CHAF1A: variants seen among roughly 807,000 people sequenced by gnomAD.
CHAF1A encodes the protein CAF-1 subunit A.
A neutral mutation model predicts 93.2 loss-of-function variants in CHAF1A; 5 were observed. The ratio of observed to expected loss-of-function variants is 0.05; its 90% CI spans 0.03 to 0.11. The LOEUF is 0.11. Ranked by LOEUF, CHAF1A falls within the 10% of genes least tolerant of loss-of-function variation. The pLI is 1.00. For synonymous variants in CHAF1A, 504 were observed against 510.3 expected, an observed-to-expected ratio of 0.99 and a Z score of 0.17; for missense variants, 1,102 against 1,259.9, an observed-to-expected ratio of 0.87 and a Z score of 1.90.
Position 4,402,826 on chromosome 19 carries a change from C to A in CHAF1A, c.52+12C>A. Reference sequence around the variant, plus strand: ...GGGAGCCGCCACAGGTCGGTTCGGGCCCGCGCCGAGGGGAAGGGGGGGCGC... The same window carrying A: ...GGGAGCCGCCACAGGTCGGTTCGGGACCGCGCCGAGGGGAAGGGGGGGCGC... On this transcript the variant is annotated intron_variant, in intron 1 of 14. Transcript: ENST00000301280. 1 of 1,200,434 alleles carries A rather than the reference C, an allele frequency of 8.3e-7. No individual in the cohort carries two copies. Among genetic ancestry groups the A allele is most frequent in the Non-Finnish European group, 1.0e-6 (1 of 967,288 alleles). 74.4% of individuals were successfully genotyped at this position (1,200,434 alleles called of 1,614,324 possible).
downstream of CHAF1A, chr19:4,446,300 T>A: frequency 6.4e-7 from 1 of 1,572,370 alleles, no homozygotes; most frequent in Non-Finnish European, 8.6e-7. Context: ...GAGGCAGCCA[T>A]CGGGGAGGCG....
intron 2 of CHAF1A, among the ~76,000 whole-genome samples, chr19:4,406,724 C>A (rs1304084769): frequency 6.6e-6 from 1 of 152,134 alleles, no homozygotes; most frequent in Non-Finnish European, 1.5e-5. Flanking sequence ...TGAGCCACCG[C>A]ACCCGGCCCA....
At chr19:4,410,196 A>T (rs1161339502) in intron 3 of CHAF1A, among the ~76,000 whole-genome samples, 3 of 152,020 alleles carry the variant, frequency 2.0e-5, no homozygotes, top group African/African-American at 7.2e-5. Flanking sequence ...GTGAGACGGC[A>T]GGAAGCATGA....
intron 13 of CHAF1A, among the ~76,000 whole-genome samples, chr19:4,436,723 C>T (rs73918257): frequency 0.024 from 3,588 of 152,226 alleles, 138 homozygotes; most frequent in African/African-American, 0.083. Flanking sequence ...AGGCCCTGGA[C>T]GGCCTCCTTC....
intron 8 of CHAF1A, 180 bp from the exon 9 acceptor site, chr19:4,429,258 T>C: frequency 1.4e-6 from 1 of 703,438 alleles, no homozygotes; most frequent in Non-Finnish European, 2.3e-6. Context: ...GGCTGCACCC[T>C]CCTCCATCTG....
chr19:4,427,664 T>C (rs962245994), intron 7 of CHAF1A, among the ~76,000 whole-genome samples: 5 of 152,186 alleles, frequency 3.3e-5, no homozygotes, highest in Admixed American at 3.3e-4. Flanking sequence ...CTCAGCTCAC[T>C]GCAACCTCTG....
intron 5 of CHAF1A, among the ~76,000 whole-genome samples, 191 bp from the exon 6 acceptor site, chr19:4,423,144 G>A (rs1030023409): frequency 1.1e-4 from 17 of 152,174 alleles, no homozygotes; most frequent in Admixed American, 6.5e-4. Context: ...TCTAGTCACA[G>A]GAAGAATTTT....
chr19:4,406,761 T>G (rs1973688533), intron 2 of CHAF1A, among the ~76,000 whole-genome samples: 1 of 152,104 alleles, frequency 6.6e-6, no homozygotes, highest in Non-Finnish European at 1.5e-5. Context: ...ACTACAGTTT[T>G]GGGTTTTTCA....
rs8105764 is a variant in CHAF1A at position 4,408,940 on chromosome 19, G to A, written c.141G>A (p.Lys47=). Residue 47 remains lysine, a synonymous_variant, in exon 3 of 15, where the codon AAG becomes AAA. Coordinates refer to ENST00000301280, the MANE Select transcript of CHAF1A (RefSeq NM_005483.3). ...LPFKRLNLVP[K]GKADDMSDDQ... is the part of the protein sequence containing the mutation. ...TTAAGCGCCTGAATCTTGTCCCAAA[G>A]GGGAAAGCCGATGACATGTCAGACG... is the stretch of plus-strand genomic sequence containing the variant. 1.6e-3 allele frequency: 2,531 copies of A among 1,612,246 alleles called. 43 individuals carry two copies. In the African/African-American group the frequency reaches 0.028, roughly 18 times the overall value.
chr19:4,449,891 G>A (rs752782451), downstream of CHAF1A: 2 of 152,086 alleles, frequency 1.3e-5, no homozygotes, highest in Non-Finnish European at 2.9e-5. Flanking sequence ...CTGGATCAAA[G>A]CTTCAACCAT....
intron 13 of CHAF1A, 29 bp from the exon 14 acceptor site, chr19:4,442,216 G>A: frequency 6.2e-7 from 1 of 1,603,766 alleles, no homozygotes; most frequent in Non-Finnish European, 8.5e-7. Context: ...TGCCTGCAGT[G>A]CTGATGGCCG....
chr19:4,417,948 T>C (rs1448756443), intron 3 of CHAF1A, 72 bp from the exon 4 acceptor site: 2 of 1,116,682 alleles, frequency 1.8e-6, no homozygotes, highest in Admixed American at 2.1e-5. Context: ...ACTGATCACC[T>C]GGAAAGGTTT....
intron 14 of CHAF1A, 107 bp downstream of exon 14, chr19:4,442,448 C>G (rs1974411029): frequency 2.1e-6 from 2 of 946,778 alleles, no homozygotes. Flanking sequence ...CTGTGAGCAG[C>G]CAGGAGGGCT....
chr19:4,410,777 G>C (rs1334298012), intron 3 of CHAF1A, among the ~76,000 whole-genome samples: 3 of 152,220 alleles, frequency 2.0e-5, no homozygotes, highest in Non-Finnish European at 4.4e-5. Flanking sequence ...CTTGAGCTGA[G>C]GAGTTGGAGG....
Position 4,402,650 on chromosome 19 carries a change from C to A in CHAF1A, c.-113C>A, listed in dbSNP as rs879523638. 3.1e-6 allele frequency: 2 copies of A among 647,138 alleles called. No homozygotes were observed. The highest frequency in any genetic ancestry group is 4.6e-5 in the East Asian group (1 of 21,890). 40.1% of individuals were successfully genotyped at this position (647,138 alleles called of 1,614,324 possible). A position where few individuals can be genotyped will look rare whatever the true frequency, so the allele number is the denominator to read the frequency against. On this transcript the variant is annotated 5_prime_UTR_variant, in exon 1 of 15. Transcript: ENST00000301280. ...CGCCGCGGTTCCCGCCAAATACGAGCGCGGCGGCCGCGGCGGCAGCAGCGG... is the reference window on the plus strand; with the variant it reads ...CGCCGCGGTTCCCGCCAAATACGAGAGCGGCGGCCGCGGCGGCAGCAGCGG...
intron 3 of CHAF1A, among the ~76,000 whole-genome samples, chr19:4,409,966 C>G (rs1020107716): frequency 2.6e-5 from 4 of 152,224 alleles, no homozygotes; most frequent in African/African-American, 7.2e-5. Context: ...CTTAATTCAT[C>G]AACAGTGTAC....
chr19:4,416,616 C>T lies in CHAF1A; in HGVS notation c.961-1404C>T, dbSNP rs113360227. Reference sequence around the variant, plus strand: ...ATTCTAAAAAGCAGAGTTGGCTGGGCGCGGTGGCTCACGCCTGAATTCCTA... The same window carrying T: ...ATTCTAAAAAGCAGAGTTGGCTGGGTGCGGTGGCTCACGCCTGAATTCCTA... On this transcript the variant is annotated intron_variant, in intron 3 of 14. Coordinates refer to ENST00000301280, the MANE Select transcript of CHAF1A (RefSeq NM_005483.3). Among the ~76,000 whole-genome samples, 323 of 151,188 alleles carry T rather than the reference C, an allele frequency of 2.1e-3. 1 individual carries two copies. The highest frequency in any genetic ancestry group is 7.5e-3 in the African/African-American group (311 of 41,248).
downstream of CHAF1A, chr19:4,445,286 C>G (rs74995992): frequency 4.4e-3 from 3,329 of 752,150 alleles, 81 homozygotes; most frequent in African/African-American, 0.052. Context: ...AGGCCTCTCC[C>G]TCGGGGGCTT....
At chr19:4,430,188 G>C (rs1974156062) in intron 10 of CHAF1A, 3 of 315,734 alleles carry the variant, frequency 9.5e-6, no homozygotes, top group African/African-American at 4.4e-5. Context: ...ACATTTTTTT[G>C]TTTCTTTAAG....
Sources: allele counts gnomAD v4.1 joint callset (sites outside exome capture counted in the v4.1 genomes callset), GRCh38; gene constraint gnomAD v4.1.1; transcripts MANE v1.5; gene names NCBI Gene and HGNC (gene_info 2026-07-23, HGNC 2026-07-21).